NOL9: variants seen among roughly 807,000 people sequenced by gnomAD.
NOL9 encodes the protein polynucleotide 5'-hydroxyl-kinase NOL9.
In NOL9, 28 loss-of-function variants were observed where a neutral mutation model predicts 67.9. The observed-to-expected ratio is 0.41, with a 90% CI of 0.31 to 0.57. NOL9 has a LOEUF of 0.57. NOL9 is among the 20% of genes least tolerant of loss of function. The pLI, the probability that NOL9 is intolerant of heterozygous loss-of-function variation, is 0.25. For missense variants in NOL9, 777 were observed against 897.0 expected (o/e 0.87, Z 1.71); for synonymous variants, 356 against 352.2 (o/e 1.01, Z -0.12).
At chr1:6,544,438 T>C (rs949759434) in intron 5 of NOL9, among the ~76,000 whole-genome samples, 1 of 151,842 alleles carries the variant, frequency 6.6e-6, no homozygotes, top group Admixed American at 6.6e-5. Context: ...GGAGGATCAC[T>C]TGAGCCCAGG....
Position 6,544,849 on chromosome 1 carries a change from G to A in NOL9, c.954C>T (p.Tyr318=). The stretch of plus-strand genomic sequence containing the variant: ...ACCTATTTAACAAATGGTTAATCAG[G>A]TATCTATTAAATGTTGACTTTCCAA... The part of the protein sequence containing the change: ...QDVGKSTFNR[Y]LINHLLNSLP... The change falls in exon 5 of 12, where the codon TAC becomes TAT. Residue 318 remains tyrosine, a synonymous_variant. Transcript: ENST00000377705. The A allele has an allele frequency of 1.9e-6, 3 of 1,614,186 alleles. No individual in the cohort carries two copies. The highest frequency in any genetic ancestry group is 2.5e-6 in the Non-Finnish European group (3 of 1,180,034).
At chr1:6,544,124 A>C (rs1478350840) in intron 5 of NOL9, among the ~76,000 whole-genome samples, 1 of 151,830 alleles carries the variant, frequency 6.6e-6, no homozygotes, top group Non-Finnish European at 1.5e-5. Flanking sequence ...TCTGTCTCAA[A>C]AACAAACAAC....
Position 6,532,768 on chromosome 1 carries a change from G to T in NOL9, c.1238-8C>A. On this transcript the variant is annotated splice_region_variant and splice_polypyrimidine_tract_variant and intron_variant, in intron 7 of 11. Transcript: ENST00000377705. ...GAAGCAGGAGCCCCTGGTCTGTGGG[G>T]AAGAGACATTAGCACAGCTGATACA... is the stretch of plus-strand genomic sequence containing the variant. 1 of 1,607,490 alleles carries T rather than the reference G, an allele frequency of 6.2e-7. No individual in the cohort carries two copies. Among genetic ancestry groups the T allele is most frequent in the Non-Finnish European group, 8.5e-7 (1 of 1,175,900 alleles).
In NOL9 at chr1:6,541,010, C is replaced by CTTTTTTTTTTTTTTTTTTTTTTTT. The variant is rs1287698159; in HGVS notation, c.1075+819_1075+820insAAAAAAAAAAAAAAAAAAAAAAAA. The CTTTTTTTTTTTTTTTTTTTTTTTT allele has an allele frequency of 4.9e-5, 6 of 123,092 alleles. 3 individuals carry two copies. The highest frequency in any genetic ancestry group is 6.6e-5 in the Non-Finnish European group (4 of 60,462). 7.6% of individuals were successfully genotyped at this position (123,092 alleles called of 1,614,324 possible). A position where few individuals can be genotyped will look rare whatever the true frequency, so the allele number is the denominator to read the frequency against. ...ATAAAATCTGTAGACTGGTTAACAGCGTTTTTTTTTTTTTTTTTTTTTTTG... is the reference window on the plus strand; with the variant it reads ...ATAAAATCTGTAGACTGGTTAACAGCTTTTTTTTTTTTTTTTTTTTTTTTGTTTTTTTTTTTTTTTTTTTTTTTG... On this transcript the variant is annotated intron_variant, in intron 6 of 11. Coordinates refer to ENST00000377705, the MANE Select transcript of NOL9 (RefSeq NM_024654.5).
intron 6 of NOL9, among the ~76,000 whole-genome samples, chr1:6,536,414 C>G (rs377350108): frequency 6.6e-6 from 1 of 152,094 alleles, no homozygotes; most frequent in African/African-American, 2.4e-5. Context: ...TAATAGCTGT[C>G]ATCCTACCTA....
rs1638784803 is a variant in NOL9 at position 6,522,206 on chromosome 1, T to C, written c.*3648A>G. On this transcript the variant is annotated 3_prime_UTR_variant, in exon 12 of 12. Coordinates refer to ENST00000377705, the MANE Select transcript of NOL9 (RefSeq NM_024654.5). ...TAAAAATACAAAAAAAATTAGCTAG[T>C]GTAGTGGCGGGCGCCTGTAATCCCG... 6.6e-6 allele frequency: 1 copy of C among 151,990 alleles called. No individual in the cohort carries two copies. Among genetic ancestry groups the C allele is most frequent in the Non-Finnish European group, 1.5e-5 (1 of 68,008 alleles). The allele number at this position is 151,990 out of a possible 1,614,324, so 9.4% of individuals were successfully genotyped here.
At chr1:6,553,719 G>A (rs540026899) in intron 1 of NOL9, among the ~76,000 whole-genome samples, 2 of 152,162 alleles carry the variant, frequency 1.3e-5, no homozygotes, top group Admixed American at 1.3e-4. Context: ...GCACGCGCCT[G>A]TAGTCCCAAC....
chr1:6,549,994 C>T (rs796460667), intron 2 of NOL9, among the ~76,000 whole-genome samples: 9 of 152,170 alleles, frequency 5.9e-5, no homozygotes, highest in African/African-American at 2.2e-4. Context: ...GATACCACAA[C>T]GTCCTTAGCA....
At position 6,525,968 on chromosome 1, in the gene NOL9, C is replaced by T. The variant is rs146670350; in HGVS notation, c.1995G>A (p.Thr665=). ...CTCCAGGAAGTTTAAAATTGTAATC[C>T]GTTGTGACATAAGGTACTGTCCCTT... The part of the protein sequence containing the change: ...GIEGTVPYVT[T]DYNFKLPGAS... Residue 665 remains threonine (T), a synonymous_variant, in exon 12 of 12, where the codon ACG becomes ACA. Coordinates refer to ENST00000377705, the MANE Select transcript of NOL9 (RefSeq NM_024654.5). 6.1e-5 allele frequency: 98 copies of T among 1,613,804 alleles called. No homozygotes were observed. Among genetic ancestry groups the T allele is most frequent in the Non-Finnish European group, 7.3e-5 (86 of 1,179,880 alleles).
At chr1:6,552,326 G>A (rs922814504) in intron 1 of NOL9, among the ~76,000 whole-genome samples, 1 of 147,484 alleles carries the variant, frequency 6.8e-6, no homozygotes, top group African/African-American at 2.5e-5. Flanking sequence ...ACACCCGGCC[G>A]ATATTTGATT....
chr1:6,549,841 A>G, intron 2 of NOL9, 143 bp from the exon 3 acceptor site: 1 of 887,212 alleles, frequency 1.1e-6, no homozygotes, highest in Admixed American at 2.6e-5. Context: ...GGGCCGTACT[A>G]CATACTAAGA....
chr1:6,541,402 G>A (rs1041328433), intron 6 of NOL9, among the ~76,000 whole-genome samples: 3 of 152,068 alleles, frequency 2.0e-5, no homozygotes, highest in Non-Finnish European at 2.9e-5. Flanking sequence ...GGCTTGTCTC[G>A]AACTCCCTAC....
intron 3 of NOL9, among the ~76,000 whole-genome samples, chr1:6,546,621 C>A (rs779429719): frequency 5.3e-5 from 8 of 152,120 alleles, no homozygotes; most frequent in Non-Finnish European, 1.2e-4. Context: ...CTCCTAAGGC[C>A]ACATGATGCC....
At chr1:6,547,952 C>T (rs1465192175) in intron 3 of NOL9, 2 of 249,656 alleles carry the variant, frequency 8.0e-6, no homozygotes, top group Non-Finnish European at 1.7e-5. Flanking sequence ...AATACATCAT[C>T]ATAGGCTTCC....
chr1:6,540,492 AT>A (rs1433318305), intron 6 of NOL9, among the ~76,000 whole-genome samples: 2 of 152,104 alleles, frequency 1.3e-5, no homozygotes, highest in East Asian at 1.9e-4. Flanking sequence ...TAATTTTTAA[AT>A]TTTTTGTAGA....
At chr1:6,546,311 T>G (rs1190542968) in intron 3 of NOL9, among the ~76,000 whole-genome samples, 1 of 152,146 alleles carries the variant, frequency 6.6e-6, no homozygotes. Context: ...AACATTCACT[T>G]TCAGTAACCA....
intron 6 of NOL9, among the ~76,000 whole-genome samples, chr1:6,538,172 G>C (rs1483563713): frequency 6.6e-6 from 1 of 151,928 alleles, no homozygotes; most frequent in African/African-American, 2.4e-5. Flanking sequence ...CAAAAGCATA[G>C]GCAACAAGTG....
rs546101175 is a variant in NOL9, at chr1:6,552,957, G to A, written c.396+1150C>T. Among the ~76,000 whole-genome samples the A allele has an allele frequency of 7.9e-5, 12 of 152,218 alleles. No homozygotes were observed. The South Asian group carries it at 1.7e-3, about 21-fold the overall frequency. The stretch of plus-strand genomic sequence containing the variant: ...CTCCTGAGTAGCTGGGATTACAGGC[G>A]TGTGCTACCATGCCCAGCTAATTTT... On this transcript the variant is annotated intron_variant, in intron 1 of 11. Transcript: ENST00000377705.
intron 6 of NOL9, among the ~76,000 whole-genome samples, chr1:6,540,241 G>A (rs906476020): frequency 6.7e-6 from 1 of 149,006 alleles, no homozygotes; most frequent in East Asian, 2.0e-4. Flanking sequence ...TCCTGCCTCA[G>A]CCTCCCAAGT....
Sources: allele counts gnomAD v4.1 joint callset (sites outside exome capture counted in the v4.1 genomes callset), GRCh38; gene constraint gnomAD v4.1.1; transcripts MANE v1.5; gene names NCBI Gene and HGNC (gene_info 2026-07-23, HGNC 2026-07-21).